TBC1D5: variants seen among roughly 807,000 people sequenced by gnomAD.
The protein encoded by TBC1D5 is TBC1 domain family member 5, also known as TBC1 domain family, member 5.
In TBC1D5, 75 loss-of-function variants were observed where a neutral mutation model predicts 100.3. The observed-to-expected ratio is 0.75, with a 90% CI of 0.62 to 0.91. The LOEUF (loss-of-function observed/expected upper bound fraction) is 0.91, where lower values mean the gene tolerates loss of function less well. TBC1D5 is among the 40% of genes least tolerant of loss of function. The probability of loss-of-function intolerance (pLI) is 0.00; values close to 1 mark genes in which losing one functional copy is unlikely to be tolerated. For missense variants in TBC1D5, 910 were observed against 942.4 expected (o/e 0.97, Z 0.45); for synonymous variants, 323 against 325.6 (o/e 0.99, Z 0.09).
Position 17,217,329 on chromosome 3 carries a change from A to G in TBC1D5, c.1589-2959T>C, listed in dbSNP as rs1230855023. 3.3e-5 allele frequency among the ~76,000 whole-genome samples: 5 copies of G among 152,270 alleles called. No homozygotes were observed. The East Asian group carries it at 5.8e-4, about 18-fold the overall frequency. On this transcript the variant is annotated intron_variant, in intron 17 of 21. Transcript: ENST00000253692. Reference sequence around the variant, plus strand: ...TTTGGCTATTATGAATAATGCTGCTATGAACATTCCTGTTTAAGTTTTTAT... The same window carrying G: ...TTTGGCTATTATGAATAATGCTGCTGTGAACATTCCTGTTTAAGTTTTTAT...
At chr3:17,373,823 T>C (rs1453856619) in intron 12 of TBC1D5, among the ~76,000 whole-genome samples, 5 of 152,008 alleles carry the variant, frequency 3.3e-5, no homozygotes, top group African/African-American at 9.7e-5. Context: ...ACAGAAAGTA[T>C]ATTAGTGATG....
At chr3:17,172,634 GA>G (rs1189827113) in intron 19 of TBC1D5, among the ~76,000 whole-genome samples, 2 of 152,154 alleles carry the variant, frequency 1.3e-5, no homozygotes, top group Non-Finnish European at 2.9e-5. Context: ...CACTTCTGTG[GA>G]AATTACACAC....
At position 17,432,846 on chromosome 3, in the gene TBC1D5, G is replaced by A. The variant is rs570569779; in HGVS notation, c.98-4327C>T. ...ACAGAAAGCAGCATGACATCAGCAA[G>A]ATGGCAGAGTTTGAAACTCCAAGTA... On this transcript the variant is annotated intron_variant, in intron 3 of 21. Coordinates refer to ENST00000253692, the Ensembl canonical transcript of TBC1D5. Among the ~76,000 whole-genome samples the A allele has an allele frequency of 7.9e-5, 12 of 152,300 alleles. No individual in the cohort carries two copies. The East Asian group carries it at 1.9e-3, about 24-fold the overall frequency.
At chr3:17,261,959 T>C (rs985489395) in intron 15 of TBC1D5, among the ~76,000 whole-genome samples, 9 of 152,068 alleles carry the variant, frequency 5.9e-5, no homozygotes, top group Admixed American at 3.3e-4. Context: ...TATGTAAAAC[T>C]CTATATGTAA....
rs11294217 is a variant in TBC1D5 at position 17,544,650 on chromosome 3, G to GAAAAAAAAA, written c.-35-36054_-35-36046dup. 3.0e-3 allele frequency among the ~76,000 whole-genome samples: 260 copies of GAAAAAAAAA among 86,232 alleles called. 6 individuals are homozygous for GAAAAAAAAA. The highest frequency in any genetic ancestry group is 0.01 in the African/African-American group (242 of 23,234). 56.6% of individuals were successfully genotyped at this position (86,232 alleles called of 152,430 possible). A position where few individuals can be genotyped will look rare whatever the true frequency, so the allele number is the denominator to read the frequency against. On this transcript the variant is annotated intron_variant, in intron 2 of 21. Transcript: ENST00000253692. ...TGGGCGACAAAGTGAGACTCCGTCT[G>GAAAAAAAAA]AAAAAAAAAAAAAAAAAGCACCTTA...
Position 17,455,492 on chromosome 3 carries a change from GTA to G in TBC1D5, c.98-26975_98-26974del, listed in dbSNP as rs1176429273. 2.2e-3 allele frequency among the ~76,000 whole-genome samples: 299 copies of G among 135,864 alleles called. 2 individuals carry two copies. Among genetic ancestry groups the G allele is most frequent in the South Asian group, 0.019 (87 of 4,518 alleles). The allele number at this position is 135,864 out of a possible 152,430, so 89.1% of individuals were successfully genotyped here. ...TGTGTATATATATGTATATATATGT[GTA>G]TATATATATGTGTGTGTGTATATAT... On this transcript the variant is annotated intron_variant, in intron 3 of 21. Coordinates refer to ENST00000253692, the Ensembl canonical transcript of TBC1D5.
intron 3 of TBC1D5, among the ~76,000 whole-genome samples, chr3:17,457,821 G>A (rs1192148017): frequency 6.6e-6 from 1 of 151,986 alleles, no homozygotes; most frequent in East Asian, 1.9e-4. Context: ...ATGGCCACAT[G>A]TTTCCTTCTG....
At chr3:17,309,963 G>A (rs960395209) in intron 13 of TBC1D5, among the ~76,000 whole-genome samples, 3 of 152,026 alleles carry the variant, frequency 2.0e-5, no homozygotes, top group Admixed American at 6.6e-5. Flanking sequence ...GTAGATGAAG[G>A]TTAATACACA....
At chr3:17,264,193 G>A (rs1359412150) in intron 15 of TBC1D5, among the ~76,000 whole-genome samples, 1 of 151,788 alleles carries the variant, frequency 6.6e-6, no homozygotes, top group Non-Finnish European at 1.5e-5. Context: ...TTCACACTAA[G>A]CCTAACTAAA....
chr3:17,227,234 G>A (rs1047890852), intron 17 of TBC1D5, among the ~76,000 whole-genome samples: 2 of 152,144 alleles, frequency 1.3e-5, no homozygotes, highest in African/African-American at 4.8e-5. Flanking sequence ...AATGGTCGTG[G>A]TGGGTCAGGG....
exon 22 of TBC1D5, chr3:17,160,853 C>T (rs140457490): frequency 4.6e-5 from 62 of 1,360,028 alleles, no homozygotes; most frequent in Middle Eastern, 2.7e-4. Flanking sequence ...AAATGCATGC[C>T]GGGAAGGAAG....
intron 13 of TBC1D5, among the ~76,000 whole-genome samples, chr3:17,329,428 T>A (rs1327208537): frequency 1.3e-5 from 2 of 152,186 alleles, no homozygotes; most frequent in African/African-American, 2.4e-5. Flanking sequence ...AAAAGGCAAT[T>A]CTCAGTCACC....
At chr3:17,594,034 G>A (rs2060405844) in intron 2 of TBC1D5, among the ~76,000 whole-genome samples, 1 of 152,276 alleles carries the variant, frequency 6.6e-6, no homozygotes. Flanking sequence ...ATGACATTAA[G>A]TTCTGCTGGC....
chr3:17,473,889 CT>C (rs60817133), intron 3 of TBC1D5, among the ~76,000 whole-genome samples: 167 of 144,410 alleles, frequency 1.2e-3, no homozygotes, highest in African/African-American at 1.5e-3. Context: ...TTTTACTTTA[CT>C]TTTTTTTTTT....
chr3:17,676,723 G>C (rs1480843048), intron 1 of TBC1D5, among the ~76,000 whole-genome samples: 1 of 152,168 alleles, frequency 6.6e-6, no homozygotes. Flanking sequence ...CACAAAGCTG[G>C]AGGCATCATG....
At chr3:17,157,355 C>T (rs2065672898) in exon 22 of TBC1D5, 1 of 152,264 alleles carries the variant, frequency 6.6e-6, no homozygotes, top group Non-Finnish European at 1.5e-5. Context: ...ACTACTATGA[C>T]AGCTTTTACA....
intron 1 of TBC1D5, among the ~76,000 whole-genome samples, chr3:17,650,929 T>C (rs1372334747): frequency 6.6e-6 from 1 of 152,226 alleles, no homozygotes; most frequent in Non-Finnish European, 1.5e-5. Flanking sequence ...TGCATTGACA[T>C]GTAAGAATTT....
At chr3:17,430,834 T>C (rs1199811042) in intron 3 of TBC1D5, among the ~76,000 whole-genome samples, 5 of 151,908 alleles carry the variant, frequency 3.3e-5, no homozygotes, top group Admixed American at 6.6e-5. Context: ...TTCTGTAAAA[T>C]TGTGTATACA....
At chr3:17,401,378 TG>T (rs2093647011) in intron 8 of TBC1D5, among the ~76,000 whole-genome samples, 2 of 41,472 alleles carry the variant, frequency 4.8e-5, no homozygotes, top group African/African-American at 4.6e-4. Context: ...AATATACATA[TG>T]TATATGTATA....
Sources: allele counts gnomAD v4.1 joint callset (sites outside exome capture counted in the v4.1 genomes callset), GRCh38; gene constraint gnomAD v4.1.1; transcripts MANE v1.5; gene names NCBI Gene and HGNC (gene_info 2026-07-23, HGNC 2026-07-21).